The following DPH5 variants were observed in gnomAD, a reference collection of about 807,000 sequenced individuals.
DPH5 encodes diphthine methyl ester synthase.
A neutral mutation model predicts 31.6 loss-of-function variants in DPH5; 31 were observed. The observed-to-expected ratio is 0.98, with a 90% CI of 0.74 to 1.32. The LOEUF is 1.32. Ranked by LOEUF, DPH5 falls within the 40% of genes most tolerant of loss-of-function variation. DPH5 has a pLI of 0.00. For synonymous variants in DPH5, 120 were observed against 115.0 expected, an observed-to-expected ratio of 1.04 and a Z score of -0.28; for missense variants, 309 against 335.7, an observed-to-expected ratio of 0.92 and a Z score of 0.62.
intron 4 of DPH5, among the ~76,000 whole-genome samples, chr1:101,005,405 A>G (rs1659158199): frequency 1.3e-5 from 2 of 152,198 alleles, no homozygotes; most frequent in Admixed American, 1.3e-4. Flanking sequence ...TATACAGAAT[A>G]CTGTTCTTGG....
At chr1:101,006,827 A>G (rs1659264363) in intron 4 of DPH5, among the ~76,000 whole-genome samples, 1 of 152,208 alleles carries the variant, frequency 6.6e-6, no homozygotes, top group African/African-American at 2.4e-5. Flanking sequence ...AGATGAACAT[A>G]TGGCAATACT....
chr1:100,997,179 A>G (rs1658427449), intron 5 of DPH5, among the ~76,000 whole-genome samples: 1 of 152,204 alleles, frequency 6.6e-6, no homozygotes, highest in Admixed American at 6.5e-5. Flanking sequence ...CGTGCACAAC[A>G]CATTAGTTCC....
chr1:101,006,873 A>G (rs1429859489), intron 4 of DPH5, among the ~76,000 whole-genome samples: 1 of 152,236 alleles, frequency 6.6e-6, no homozygotes, highest in Non-Finnish European at 1.5e-5. Context: ...GAAAGTGGAA[A>G]CATTTCACAA....
At chr1:101,021,072 G>A (rs987112390) in intron 3 of DPH5, among the ~76,000 whole-genome samples, 1 of 152,146 alleles carries the variant, frequency 6.6e-6, no homozygotes, top group Admixed American at 6.5e-5. Context: ...CTTGACATTA[G>A]AGATTGATGA....
intron 3 of DPH5, among the ~76,000 whole-genome samples, chr1:101,016,203 A>G (rs564907255): frequency 2.0e-5 from 3 of 151,874 alleles, no homozygotes; most frequent in African/African-American, 7.2e-5. Flanking sequence ...AAATACAAAA[A>G]GTTAGCTGGG....
intron 4 of DPH5, among the ~76,000 whole-genome samples, chr1:101,013,171 AG>A (rs1659823519): frequency 6.6e-6 from 1 of 152,246 alleles, no homozygotes; most frequent in Non-Finnish European, 1.5e-5. Context: ...TAAATGATAA[AG>A]ATATAAATGA....
At chr1:100,991,788 C>CAAAAAAAAAAAAAAAAAAAAAA (rs71084857) in intron 7 of DPH5, among the ~76,000 whole-genome samples, 1 of 101,066 alleles carries the variant, frequency 9.9e-6, no homozygotes. Flanking sequence ...GACCCCATCT[C>CAAAAAAAAAAAAAAAAAAAAAA]AAAAAAAAAA....
intron 4 of DPH5, among the ~76,000 whole-genome samples, chr1:101,003,764 A>C (rs909834574): frequency 5.3e-5 from 8 of 152,190 alleles, no homozygotes; most frequent in African/African-American, 1.9e-4. Context: ...TATTGGAGTA[A>C]GCTCAAAAAT....
rs1327236010 is a variant in DPH5, at chr1:101,001,528, T to C, written c.429A>G (p.Glu143=). The C allele has an allele frequency of 6.2e-7, 1 of 1,612,136 alleles. No homozygotes were observed. Reference sequence around the variant, plus strand: ...TCTTCTTCACTTTGTCAAAGAAGCTTTCTGGTCTCCAAGTGTCTGTCCAAA... The same window carrying C: ...TCTTCTTCACTTTGTCAAAGAAGCTCTCTGGTCTCCAAGTGTCTGTCCAAA... ...IVFWTDTWRP[E]SFFDKVKKNR... The change falls in exon 5 of 8, where the codon GAA becomes GAG. Residue 143 remains glutamate, a synonymous_variant. Transcript: ENST00000370109.
intron 2 of DPH5, among the ~76,000 whole-genome samples, chr1:101,022,542 C>T (rs530653973): frequency 1.7e-4 from 26 of 152,066 alleles, no homozygotes; most frequent in Non-Finnish European, 3.5e-4. Flanking sequence ...TTTTTCATCT[C>T]GTCAGCCAGT....
At chr1:100,995,409 T>C in intron 5 of DPH5, 1 of 365,818 alleles carries the variant, frequency 2.7e-6, no homozygotes. Context: ...AGGGAAAGAA[T>C]TAGATAAACA....
In DPH5 at chr1:101,003,213, G is replaced by GT. The variant is rs76305867; in HGVS notation, c.370-1627dup. ...ATGTGACAGGTTTCCCTGTGACAAT[G>GT]TATTTCTAGTTCCAATGTGGAATGC... is the stretch of plus-strand genomic sequence containing the variant. On this transcript the variant is annotated intron_variant, in intron 4 of 7. Coordinates refer to ENST00000370109, the MANE Select transcript of DPH5 (RefSeq NM_015958.3). 5.2e-3 allele frequency among the ~76,000 whole-genome samples: 785 copies of GT among 152,308 alleles called. 7 individuals carry two copies. Among genetic ancestry groups the GT allele is most frequent in the East Asian group, 0.038 (197 of 5,180 alleles).
chr1:101,015,374 G>T (rs890485105), intron 3 of DPH5, among the ~76,000 whole-genome samples: 3 of 152,174 alleles, frequency 2.0e-5, no homozygotes, highest in African/African-American at 7.2e-5. Flanking sequence ...ATTGTCAATG[G>T]CAATAATGTT....
At chr1:101,012,867 T>C (rs1659800297) in intron 4 of DPH5, among the ~76,000 whole-genome samples, 1 of 152,204 alleles carries the variant, frequency 6.6e-6, no homozygotes, top group Non-Finnish European at 1.5e-5. Context: ...GAAAATATAG[T>C]CCTCTAAAGC....
intron 1 of DPH5, 71 bp from the exon 2 acceptor site, chr1:101,025,537 T>G (rs1456078759): frequency 6.7e-7 from 1 of 1,487,654 alleles, no homozygotes; most frequent in South Asian, 1.2e-5. Flanking sequence ...ATGAACACGA[T>G]GACAACCAAA....
chr1:100,992,629 T>G lies in DPH5; in HGVS notation c.634+8A>C, dbSNP rs778264787. The G allele has an allele frequency of 6.2e-7, 1 of 1,609,564 alleles. No individual in the cohort carries two copies. The highest frequency in any genetic ancestry group is 8.5e-7 in the Non-Finnish European group (1 of 1,176,088). ...ATAATATGAGAGCCCTTCTAGTGTC[T>G]TGAGTACCTGGTTCTTCTCCTCGTA... On this transcript the variant is annotated splice_region_variant and intron_variant, in intron 7 of 7. Coordinates refer to ENST00000370109, the MANE Select transcript of DPH5 (RefSeq NM_015958.3).
intron 3 of DPH5, among the ~76,000 whole-genome samples, chr1:101,018,841 A>T (rs939679632): frequency 2.6e-5 from 4 of 152,330 alleles, no homozygotes; most frequent in Non-Finnish European, 5.9e-5. Context: ...TCATATACAT[A>T]AATTTACATG....
In DPH5 at chr1:101,020,628, T is replaced by C. The variant is rs536756481; in HGVS notation, c.260+1013A>G. 3.3e-5 allele frequency among the ~76,000 whole-genome samples: 5 copies of C among 151,992 alleles called. No homozygotes were observed. In the South Asian group the frequency reaches 1.0e-3, roughly 32 times the overall value. ...GCTCTAGCAGCAGCTAACTGCCTAC[T>C]TGACATCTCAAAGTAAACATATTTC... On this transcript the variant is annotated intron_variant, in intron 3 of 7. Coordinates refer to ENST00000370109, the MANE Select transcript of DPH5 (RefSeq NM_015958.3).
chr1:101,004,827 A>T (rs1319974042), intron 4 of DPH5, among the ~76,000 whole-genome samples: 1 of 152,230 alleles, frequency 6.6e-6, no homozygotes, highest in African/African-American at 2.4e-5. Flanking sequence ...AACATGGGGA[A>T]AGAATGAGAT....
Sources: allele counts gnomAD v4.1 joint callset (sites outside exome capture counted in the v4.1 genomes callset), GRCh38; gene constraint gnomAD v4.1.1; transcripts MANE v1.5; gene names NCBI Gene and HGNC (gene_info 2026-07-23, HGNC 2026-07-21).